Variants in NAA35 observed in about 807,000 individuals in gnomAD.
NAA35 encodes MAK10 homolog, amino-acid N-acetyltransferase subunit.
Under a neutral mutation model 101.7 loss-of-function variants are expected in NAA35, and 18 were observed. That is an observed-to-expected ratio of 0.18 (90% confidence interval 0.12 to 0.26). The LOEUF is 0.26. NAA35 is among the 10% of genes least tolerant of loss of function. NAA35 has a pLI of 1.00. For missense variants in NAA35, 601 were observed against 886.8 expected, an observed-to-expected ratio of 0.68 and a Z score of 4.09; for synonymous variants, 267 against 273.1, an observed-to-expected ratio of 0.98 and a Z score of 0.22.
intron 2 of NAA35, among the ~76,000 whole-genome samples, chr9:85,942,508 T>C (rs572232955): frequency 6.6e-6 from 1 of 152,246 alleles, no homozygotes; most frequent in Non-Finnish European, 1.5e-5. Flanking sequence ...TGAATTTTTC[T>C]TGCTTTAACA....
intron 17 of NAA35, among the ~76,000 whole-genome samples, chr9:86,014,171 G>A (rs1832087462): frequency 6.6e-6 from 1 of 152,152 alleles, no homozygotes; most frequent in Non-Finnish European, 1.5e-5. Flanking sequence ...TGCTCCTATG[G>A]AGAAAAATTA....
At chr9:86,009,728 C>T in intron 14 of NAA35, 137 bp from the exon 15 acceptor site, 2 of 626,422 alleles carry the variant, frequency 3.2e-6, no homozygotes, top group Non-Finnish European at 5.7e-6. Flanking sequence ...TAATCTAATA[C>T]TGAAATTCTT....
chr9:85,955,360 A>AT lies in NAA35; in HGVS notation c.125-983dup, dbSNP rs61549690. Among the ~76,000 whole-genome samples, 18 of 53,940 alleles carry AT rather than the reference A, an allele frequency of 3.3e-4. No homozygotes were observed. The South Asian group carries it at 6.4e-3, about 19-fold the overall frequency. 35.4% of individuals were successfully genotyped at this position (53,940 alleles called of 152,430 possible). On this transcript the variant is annotated intron_variant, in intron 2 of 22. Coordinates refer to ENST00000361671, the MANE Select transcript of NAA35 (RefSeq NM_024635.4). Reference sequence around the variant, plus strand: ...TATATATATATATATATATATATATATTTTTTTTTTTTTTTTTCTTCAGAC... The same window carrying AT: ...TATATATATATATATATATATATATATTTTTTTTTTTTTTTTTTCTTCAGAC...
chr9:85,960,357 A>G (rs901301805), intron 5 of NAA35, among the ~76,000 whole-genome samples: 8 of 152,146 alleles, frequency 5.3e-5, no homozygotes, highest in African/African-American at 1.7e-4. Context: ...TCTCATTTCT[A>G]CTGCTTCCCC....
At chr9:86,008,260 G>A (rs1190056517) in intron 14 of NAA35, among the ~76,000 whole-genome samples, 13 of 152,002 alleles carry the variant, frequency 8.6e-5, no homozygotes, top group Non-Finnish European at 2.9e-5. Context: ...ATGGGCTTTC[G>A]CTATGTTGGC....
At chr9:85,976,567 C>T (rs1421922872) in intron 8 of NAA35, 118 bp from the exon 9 acceptor site, 1 of 645,556 alleles carries the variant, frequency 1.5e-6, no homozygotes, top group East Asian at 3.2e-5. Context: ...TTTTCCCCAA[C>T]TATTTTCCCC....
At chr9:85,987,130 T>A (rs1299682175) in intron 11 of NAA35, 2 of 152,120 alleles carry the variant, frequency 1.3e-5, no homozygotes, top group African/African-American at 4.8e-5. Context: ...AAGAGATAAC[T>A]AAGAGGAAAT....
chr9:85,988,565 C>T lies in NAA35; in HGVS notation c.878-7834C>T, dbSNP rs552584134. Among the ~76,000 whole-genome samples the T allele has an allele frequency of 1.2e-3, 181 of 151,986 alleles. 1 individual carries two copies. The highest frequency in any genetic ancestry group is 4.1e-3 in the African/African-American group (170 of 41,476). On this transcript the variant is annotated intron_variant, in intron 11 of 22. Coordinates refer to ENST00000361671, the MANE Select transcript of NAA35 (RefSeq NM_024635.4). ...CTGTAATCCCAGCACTTTGGGAGGC[C>T]GAGGCAGGCAGATCACCTGAGGTCG...
At chr9:86,016,105 G>A (rs1832206324) in intron 17 of NAA35, among the ~76,000 whole-genome samples, 1 of 151,416 alleles carries the variant, frequency 6.6e-6, no homozygotes, top group Non-Finnish European at 1.5e-5. Context: ...GGTAGAGAAT[G>A]TTCTGTTTTA....
intron 12 of NAA35, among the ~76,000 whole-genome samples, chr9:86,001,569 A>G (rs1198891422): frequency 1.3e-5 from 2 of 151,942 alleles, no homozygotes; most frequent in Non-Finnish European, 2.9e-5. Flanking sequence ...GGGTGCATAT[A>G]TATTTAGGAT....
rs182857405 is a variant in NAA35, at chr9:85,993,552, A to G, written c.878-2847A>G. 1.3e-3 allele frequency among the ~76,000 whole-genome samples: 191 copies of G among 152,326 alleles called. 4 individuals carry two copies. In the South Asian group the frequency reaches 0.033, roughly 27 times the overall value. On this transcript the variant is annotated intron_variant, in intron 11 of 22. Transcript: ENST00000361671. Reference sequence around the variant, plus strand: ...ATAGACTGAGAAATTGCACAAAAAAACCTTTCGGGGTGGTAAAAACGTTCT... The same window carrying G: ...ATAGACTGAGAAATTGCACAAAAAAGCCTTTCGGGGTGGTAAAAACGTTCT...
intron 1 of NAA35, chr9:85,941,736 A>T (rs953149600): frequency 4.4e-5 from 43 of 987,764 alleles, no homozygotes; most frequent in Non-Finnish European, 5.2e-5. Context: ...CTCTGGCCAG[A>T]TGAAGGGCTA....
chr9:85,952,981 C>T (rs933901479), intron 2 of NAA35, among the ~76,000 whole-genome samples: 26 of 152,076 alleles, frequency 1.7e-4, no homozygotes, highest in African/African-American at 5.8e-4. Flanking sequence ...GACGCCAAGG[C>T]GGCAGATCAC....
intron 2 of NAA35, among the ~76,000 whole-genome samples, chr9:85,955,580 GT>G (rs1829238598): frequency 6.6e-6 from 1 of 151,714 alleles, no homozygotes; most frequent in Admixed American, 6.6e-5. Context: ...AGCCAGGATG[GT>G]CTCGATCTCC....
chr9:85,978,531 AAT>A, intron 11 of NAA35, 150 bp downstream of exon 11: 1 of 586,830 alleles, frequency 1.7e-6, no homozygotes, highest in Non-Finnish European at 3.0e-6. Context: ...CTTCTCTGTA[AAT>A]ATATACTAGA....
intron 5 of NAA35, among the ~76,000 whole-genome samples, chr9:85,960,340 G>A (rs1325147302): frequency 2.6e-5 from 4 of 151,986 alleles, no homozygotes; most frequent in Non-Finnish European, 5.9e-5. Context: ...ACTGTTTGTC[G>A]AGAAATTCTC....
intron 20 of NAA35, 61 bp from the exon 21 acceptor site, chr9:86,018,638 A>G (rs1466417308): frequency 5.1e-6 from 8 of 1,560,754 alleles, no homozygotes; most frequent in Non-Finnish European, 6.9e-6. Context: ...ATAATTAGAA[A>G]TGGGATTTTA....
At chr9:85,988,315 A>G (rs1037198143) in intron 11 of NAA35, among the ~76,000 whole-genome samples, 2 of 152,242 alleles carry the variant, frequency 1.3e-5, no homozygotes, top group African/African-American at 2.4e-5. Context: ...AATTGAAAGA[A>G]TTTATTTAAA....
intron 11 of NAA35, chr9:85,986,694 C>T (rs1587620556): frequency 3.2e-6 from 1 of 311,280 alleles, no homozygotes; most frequent in Non-Finnish European, 6.2e-6. Flanking sequence ...AAATGATTCT[C>T]TTACCTCACC....
Sources: allele counts gnomAD v4.1 joint callset (sites outside exome capture counted in the v4.1 genomes callset), GRCh38; gene constraint gnomAD v4.1.1; transcripts MANE v1.5; gene names NCBI Gene and HGNC (gene_info 2026-07-23, HGNC 2026-07-21).